UNC5C: variants seen among roughly 807,000 people sequenced by gnomAD.
UNC5C encodes the protein unc-5 netrin receptor C, also known as netrin receptor UNC5C.
UNC5C carries 47 observed loss-of-function variants against 99.8 expected under a neutral mutation model. That is an observed-to-expected ratio of 0.47 (90% CI 0.37 to 0.60). UNC5C has a LOEUF of 0.60. Among genes scored for constraint, UNC5C ranks in the 20% least tolerant of loss-of-function variants. The pLI, the probability that UNC5C is intolerant of heterozygous loss-of-function variation, is 0.00. For synonymous variants in UNC5C, 487 were observed against 452.2 expected, an observed-to-expected ratio of 1.08 and a Z score of -0.98; for missense variants, 1,062 against 1,165.9, an observed-to-expected ratio of 0.91 and a Z score of 1.30.
intron 2 of UNC5C, among the ~76,000 whole-genome samples, chr4:95,327,964 C>T (rs1309759151): frequency 1.3e-5 from 2 of 150,166 alleles, no homozygotes; most frequent in East Asian, 4.0e-4. Context: ...TTAAGCCATC[C>T]GTGGAGGCAA....
intron 12 of UNC5C, among the ~76,000 whole-genome samples, chr4:95,191,928 T>A (rs1474886350): frequency 3.4e-5 from 2 of 59,596 alleles, no homozygotes; most frequent in East Asian, 5.1e-4. Flanking sequence ...CCTGCCCACC[T>A]CCTCCCCTGC....
chr4:95,264,474 G>A (rs1740365595), intron 4 of UNC5C, among the ~76,000 whole-genome samples: 1 of 152,052 alleles, frequency 6.6e-6, no homozygotes, highest in African/African-American at 2.4e-5. Context: ...AAACTGAATA[G>A]TCCAAAAGAT....
intron 1 of UNC5C, among the ~76,000 whole-genome samples, chr4:95,421,908 T>C (rs1426996060): frequency 1.3e-5 from 2 of 152,198 alleles, no homozygotes; most frequent in Non-Finnish European, 2.9e-5. Context: ...CTTTCTCTAA[T>C]ACTTTACTAC....
At chr4:95,393,913 G>A (rs1745435663) in intron 1 of UNC5C, among the ~76,000 whole-genome samples, 1 of 150,128 alleles carries the variant, frequency 6.7e-6, no homozygotes. Flanking sequence ...AAAGCCTAGA[G>A]GACAGTTTTG....
intron 1 of UNC5C, among the ~76,000 whole-genome samples, chr4:95,379,786 T>C (rs1444743587): frequency 6.6e-6 from 1 of 152,132 alleles, no homozygotes; most frequent in African/African-American, 2.4e-5. Context: ...GCTTGGTACT[T>C]CTTAGGCGCG....
At chr4:95,289,576 A>G (rs1365080979) in intron 3 of UNC5C, among the ~76,000 whole-genome samples, 1 of 152,168 alleles carries the variant, frequency 6.6e-6, no homozygotes, top group Admixed American at 6.6e-5. Context: ...TTTTAAAAAA[A>G]GCTGTTTTAA....
At chr4:95,302,784 A>G (rs1227588859) in intron 2 of UNC5C, among the ~76,000 whole-genome samples, 3 of 152,246 alleles carry the variant, frequency 2.0e-5, no homozygotes, top group Non-Finnish European at 4.4e-5. Context: ...TTTAGTATCA[A>G]TTATGTAAAA....
At chr4:95,438,478 T>C (rs1159479078) in intron 1 of UNC5C, among the ~76,000 whole-genome samples, 1 of 151,970 alleles carries the variant, frequency 6.6e-6, no homozygotes, top group Non-Finnish European at 1.5e-5. Context: ...CAAAAATACA[T>C]GAAAAGTATA....
At chr4:95,358,319 T>G (rs1251792303) in intron 1 of UNC5C, among the ~76,000 whole-genome samples, 1 of 152,202 alleles carries the variant, frequency 6.6e-6, no homozygotes, top group African/African-American at 2.4e-5. Context: ...TTTTGTGGCT[T>G]TGCAAGAAGA....
chr4:95,262,652 A>G lies in UNC5C; in HGVS notation c.595-11985T>C, dbSNP rs368811363. On this transcript the variant is annotated intron_variant, in intron 4 of 15. Transcript: ENST00000453304. ...AAAAAAAATTAACAATTTGATCCCT[A>G]TGGTCAAAGGAGATAAAGTTTATAC... is the stretch of plus-strand genomic sequence containing the variant. Among the ~76,000 whole-genome samples the G allele has an allele frequency of 3.7e-4, 56 of 152,310 alleles. No individual in the cohort carries two copies. In the South Asian group the frequency reaches 5.4e-3, roughly 15 times the overall value.
Position 95,190,912 on chromosome 4 carries a change from A to T in UNC5C, c.2137-5716T>A, listed in dbSNP as rs1737060839. Among the ~76,000 whole-genome samples, 4 of 152,328 alleles carry T rather than the reference A, an allele frequency of 2.6e-5. No individual in the cohort carries two copies. In the South Asian group the frequency reaches 6.2e-4, roughly 24 times the overall value. On this transcript the variant is annotated intron_variant, in intron 12 of 15. Transcript: ENST00000453304. ...GGGATTGCTCCAAAGGCAGGACAAGAGATTCCACAGTAGAAACAAGCAGCT... is the reference window on the plus strand; with the variant it reads ...GGGATTGCTCCAAAGGCAGGACAAGTGATTCCACAGTAGAAACAAGCAGCT...
At chr4:95,293,609 G>A (rs1239023059) in intron 3 of UNC5C, among the ~76,000 whole-genome samples, 1 of 152,046 alleles carries the variant, frequency 6.6e-6, no homozygotes, top group African/African-American at 2.4e-5. Flanking sequence ...GTAAGACATT[G>A]CACCAGTTAT....
At chr4:95,229,350 C>T (rs1738815356) in intron 7 of UNC5C, among the ~76,000 whole-genome samples, 3 of 152,106 alleles carry the variant, frequency 2.0e-5, no homozygotes, top group Non-Finnish European at 1.5e-5. Flanking sequence ...TGTTCAACTC[C>T]CACTTATGAG....
intron 3 of UNC5C, among the ~76,000 whole-genome samples, chr4:95,280,431 G>A (rs1261932258): frequency 2.0e-5 from 3 of 152,162 alleles, no homozygotes; most frequent in African/African-American, 7.2e-5. Flanking sequence ...GCTTATGCCT[G>A]TAATCCCAGT....
At chr4:95,412,529 C>T (rs1746027146) in intron 1 of UNC5C, among the ~76,000 whole-genome samples, 1 of 152,078 alleles carries the variant, frequency 6.6e-6, no homozygotes, top group African/African-American at 2.4e-5. Context: ...ATCATGGACA[C>T]TCGATAGATG....
chr4:95,191,400 G>A (rs1228326079), intron 12 of UNC5C, among the ~76,000 whole-genome samples: 1 of 152,104 alleles, frequency 6.6e-6, no homozygotes, highest in Admixed American at 6.6e-5. Context: ...CTGCCCCCAG[G>A]GTCCAGGCTG....
chr4:95,427,828 TC>T (rs1746526719), intron 1 of UNC5C, among the ~76,000 whole-genome samples: 1 of 152,164 alleles, frequency 6.6e-6, no homozygotes, highest in Non-Finnish European at 1.5e-5. Flanking sequence ...TCTATTTTCT[TC>T]TGCAGTTTTT....
At chr4:95,510,473 T>A (rs1722041730) in intron 1 of UNC5C, among the ~76,000 whole-genome samples, 1 of 152,070 alleles carries the variant, frequency 6.6e-6, no homozygotes. Context: ...CAGTGCCCAC[T>A]GTGTACCAGC....
chr4:95,529,808 T>A (rs1374680600), intron 1 of UNC5C, among the ~76,000 whole-genome samples: 1 of 152,192 alleles, frequency 6.6e-6, no homozygotes, highest in African/African-American at 2.4e-5. Context: ...TACAACTACA[T>A]AAACTGTGTG....
Sources: gnomAD v4.1 joint callset for allele counts (sites outside exome capture counted in the v4.1 genomes callset) on GRCh38, gnomAD v4.1.1 for gene constraint, MANE v1.5 for transcripts, NCBI Gene and HGNC (gene_info 2026-07-23, HGNC 2026-07-21) for gene names.